The following HACD2 variants were observed in gnomAD, a reference collection of about 807,000 sequenced individuals.
HACD2 encodes the protein very-long-chain (3R)-3-hydroxyacyl-CoA dehydratase 2.
HACD2 carries 15 observed loss-of-function variants against 31.0 expected under a neutral mutation model. That is an observed-to-expected ratio of 0.48 (90% CI 0.32 to 0.75). The LOEUF is 0.75. Among genes scored for constraint, HACD2 ranks in the 30% least tolerant of loss-of-function variants. The pLI, the probability that HACD2 is intolerant of heterozygous loss-of-function variation, is 0.03. For synonymous variants in HACD2, 115 were observed against 122.2 expected (o/e 0.94, Z 0.39); for missense variants, 283 against 313.0 (o/e 0.90, Z 0.72).
rs751944112 is a variant in HACD2 at position 123,584,997 on chromosome 3, T to C, written c.31A>G (p.Lys11Glu). ...CTGCCACCGCCGCCCCCATTCCCCTTCGCTGCTGCAGTCGCCGCCACTGCC... is the reference window on the plus strand; with the variant it reads ...CTGCCACCGCCGCCCCCATTCCCCTCCGCTGCTGCAGTCGCCGCCACTGCC... MAAVAATAAA[K>E]GNGGGGGRAG... Residue 11 changes from lysine to glutamate, a missense_variant, in exon 1 of 7, where the codon AAG becomes GAG. Lys to Glu is a moderately conservative substitution (Grantham distance 56, BLOSUM62 1). Transcript: ENST00000383657. The C allele has an allele frequency of 6.6e-7, 1 of 1,505,808 alleles. No homozygotes were observed. Among genetic ancestry groups the C allele is most frequent in the Admixed American group, 2.1e-5 (1 of 47,716 alleles). 93.3% of individuals were successfully genotyped at this position (1,505,808 alleles called of 1,614,324 possible). A position where few individuals can be genotyped will look rare whatever the true frequency, so the allele number is the denominator to read the frequency against.
chr3:123,525,278 G>A (rs975826598), intron 4 of HACD2, among the ~76,000 whole-genome samples: 1 of 152,122 alleles, frequency 6.6e-6, no homozygotes, highest in African/African-American at 2.4e-5. Context: ...AAGCATGTGA[G>A]CATACGGATC....
chr3:123,511,321 G>A (rs2056060420), intron 4 of HACD2, among the ~76,000 whole-genome samples: 1 of 152,080 alleles, frequency 6.6e-6, no homozygotes, highest in South Asian at 2.1e-4. Flanking sequence ...GCTCTGACTT[G>A]TCTTCTTGGG....
chr3:123,579,722 T>C (rs2056945575), intron 2 of HACD2, among the ~76,000 whole-genome samples: 2 of 152,186 alleles, frequency 1.3e-5, no homozygotes, highest in African/African-American at 4.8e-5. Context: ...TGGTCTTGAC[T>C]CCAAATTTGC....
intron 3 of HACD2, among the ~76,000 whole-genome samples, chr3:123,552,428 C>T (rs1559924990): frequency 6.6e-6 from 1 of 152,164 alleles, no homozygotes; most frequent in South Asian, 2.1e-4. Flanking sequence ...AAGCCATCCA[C>T]TAAAGAGACT....
At chr3:123,530,143 T>C (rs368939710) in intron 3 of HACD2, among the ~76,000 whole-genome samples, 3 of 152,252 alleles carry the variant, frequency 2.0e-5, no homozygotes, top group Non-Finnish European at 1.5e-5. Flanking sequence ...AATAACTACC[T>C]AGGCACCTGT....
intron 4 of HACD2, among the ~76,000 whole-genome samples, chr3:123,521,947 A>G (rs2056220131): frequency 6.6e-6 from 1 of 152,134 alleles, no homozygotes; most frequent in African/African-American, 2.4e-5. Context: ...GTTCTGGTGG[A>G]ATTTTTCAAG....
intron 3 of HACD2, among the ~76,000 whole-genome samples, chr3:123,557,754 G>A (rs954392594): frequency 2.0e-5 from 3 of 152,182 alleles, no homozygotes; most frequent in Non-Finnish European, 2.9e-5. Context: ...TATTAGAAGG[G>A]TCAAAATCCA....
intron 3 of HACD2, among the ~76,000 whole-genome samples, chr3:123,562,107 T>G (rs1316044709): frequency 6.6e-6 from 1 of 152,220 alleles, no homozygotes; most frequent in African/African-American, 2.4e-5. Flanking sequence ...CCACCACGAC[T>G]GGCCTATTTT....
At chr3:123,568,959 T>C (rs1965290) in intron 2 of HACD2, among the ~76,000 whole-genome samples, 56,092 of 152,100 alleles carry the variant, frequency 0.37, 13,263 homozygotes, top group Non-Finnish European at 0.52. Flanking sequence ...TATTCTATCA[T>C]ATTATTTCAT....
chr3:123,530,647 T>C (rs754256693), intron 3 of HACD2, among the ~76,000 whole-genome samples: 9 of 152,130 alleles, frequency 5.9e-5, no homozygotes, highest in Non-Finnish European at 1.2e-4. Flanking sequence ...GACCTTGTGA[T>C]CCGCCTGCCT....
chr3:123,538,305 T>C (rs1313443450), intron 3 of HACD2, among the ~76,000 whole-genome samples: 5 of 152,172 alleles, frequency 3.3e-5, no homozygotes, highest in South Asian at 2.1e-4. Context: ...AGCAAAACTA[T>C]GGTATTTATA....
At chr3:123,551,477 T>C (rs547766020) in intron 3 of HACD2, among the ~76,000 whole-genome samples, 1 of 151,822 alleles carries the variant, frequency 6.6e-6, no homozygotes, top group South Asian at 2.1e-4. Flanking sequence ...ATATAAAAAT[T>C]AGCCAGGCAT....
intron 2 of HACD2, among the ~76,000 whole-genome samples, chr3:123,568,982 A>G (rs540533793): frequency 6.6e-6 from 1 of 152,218 alleles, no homozygotes; most frequent in East Asian, 1.9e-4. Flanking sequence ...TGCATTAGTT[A>G]TGAGAGATCT....
In HACD2 at chr3:123,528,409, C is replaced by T; in HGVS notation, c.358G>A (p.Ala120Thr). The T allele has an allele frequency of 6.2e-7, 1 of 1,610,046 alleles. No individual in the cohort carries two copies. The highest frequency in any genetic ancestry group is 8.5e-7 in the Non-Finnish European group (1 of 1,176,506). ...ACCTCTTTGACGCTATGTGTTACTG[C>T]CCATATTAGAAAAACTCTTGACATC... ...QVMSRVFLIW[A>T]VTHSVKEVQS... Residue 120 changes from alanine to threonine, a missense_variant, in exon 4 of 7, where the codon GCA becomes ACA. This residue lies in a region of HACD2 where 85 missense variants were observed against 129.6 expected (regional missense o/e 0.66). Coordinates refer to ENST00000383657, the MANE Select transcript of HACD2 (RefSeq NM_198402.5).
chr3:123,507,420 A>G (rs2055990624), intron 4 of HACD2, among the ~76,000 whole-genome samples: 1 of 152,224 alleles, frequency 6.6e-6, no homozygotes, highest in Admixed American at 6.5e-5. Context: ...GTGGAATACT[A>G]TTCAGCAACA....
intron 4 of HACD2, among the ~76,000 whole-genome samples, chr3:123,504,758 C>T (rs1389794059): frequency 2.0e-5 from 3 of 152,134 alleles, no homozygotes; most frequent in Non-Finnish European, 2.9e-5. Context: ...CAGGAAATGA[C>T]CATTTTGTGC....
chr3:123,512,965 T>C (rs1376902549), intron 4 of HACD2, among the ~76,000 whole-genome samples: 1 of 152,108 alleles, frequency 6.6e-6, no homozygotes, highest in Non-Finnish European at 1.5e-5. Flanking sequence ...CATCCTCTAC[T>C]AAAAGGAATC....
At chr3:123,565,357 T>C (rs2056778776) in intron 3 of HACD2, among the ~76,000 whole-genome samples, 6 of 152,082 alleles carry the variant, frequency 3.9e-5, no homozygotes, top group Admixed American at 3.9e-4. Flanking sequence ...TAATGCCCAC[T>C]GCAAAAGTAA....
At chr3:123,535,273 A>G (rs2056411560) in intron 3 of HACD2, among the ~76,000 whole-genome samples, 1 of 152,228 alleles carries the variant, frequency 6.6e-6, no homozygotes, top group South Asian at 2.1e-4. Context: ...CGTACAGTCC[A>G]GTAACCTTCT....
Sources: allele counts gnomAD v4.1 joint callset (sites outside exome capture counted in the v4.1 genomes callset), GRCh38; gene constraint gnomAD v4.1.1; regional missense constraint gnomAD v4.1.1; transcripts MANE v1.5; gene names NCBI Gene and HGNC (gene_info 2026-07-23, HGNC 2026-07-21).